RIT2: variants seen among roughly 807,000 people sequenced by gnomAD.
RIT2 encodes the protein GTP-binding protein Rit2.
RIT2 carries 24 observed loss-of-function variants against 23.7 expected under a neutral mutation model. The ratio of observed to expected loss-of-function variants is 1.01; its 90% confidence interval spans 0.73 to 1.43. RIT2 has a LOEUF of 1.43. Ranked by LOEUF, RIT2 falls within the 40% of genes most tolerant of loss-of-function variation. The pLI, the probability that RIT2 is intolerant of heterozygous loss-of-function variation, is 0.00. For synonymous variants in RIT2, 107 were observed against 91.1 expected (o/e 1.17, Z -0.99); for missense variants, 236 against 266.9 (o/e 0.88, Z 0.81).
intron 4 of RIT2, among the ~76,000 whole-genome samples, chr18:42,819,948 A>G (rs1799043623): frequency 6.6e-6 from 1 of 152,132 alleles, no homozygotes; most frequent in African/African-American, 2.4e-5. Context: ...AGGCCAGAGC[A>G]TTTGCATATA....
intron 4 of RIT2, among the ~76,000 whole-genome samples, chr18:42,769,010 G>A (rs118047047): frequency 1.3e-5 from 2 of 152,282 alleles, no homozygotes; most frequent in East Asian, 3.9e-4. Context: ...CTATCCAAAT[G>A]CTGGTTGTGT....
intron 4 of RIT2, among the ~76,000 whole-genome samples, chr18:42,888,203 A>G (rs1203069643): frequency 6.6e-6 from 1 of 151,720 alleles, no homozygotes; most frequent in Admixed American, 6.6e-5. Flanking sequence ...TAACGAATAT[A>G]CCACTGTGGC....
chr18:42,890,276 A>T (rs1908135318), intron 4 of RIT2, among the ~76,000 whole-genome samples: 1 of 151,438 alleles, frequency 6.6e-6, no homozygotes, highest in Admixed American at 6.6e-5. Context: ...ATCCTATTAT[A>T]AAAAAAAATT....
intron 1 of RIT2, among the ~76,000 whole-genome samples, chr18:43,038,229 A>G (rs1568063444): frequency 1.4e-5 from 2 of 139,786 alleles, no homozygotes; most frequent in African/African-American, 2.6e-5. Flanking sequence ...GCAGTTTCAG[A>G]TTTTTTTTTT....
chr18:43,063,692 C>CT (rs1344645987), intron 1 of RIT2, among the ~76,000 whole-genome samples: 2 of 152,036 alleles, frequency 1.3e-5, no homozygotes, highest in Non-Finnish European at 2.9e-5. Context: ...AAATACAGTT[C>CT]TTATGTGACA....
intron 4 of RIT2, among the ~76,000 whole-genome samples, chr18:42,920,962 G>GA (rs1455311479): frequency 6.6e-6 from 1 of 151,342 alleles, no homozygotes; most frequent in East Asian, 1.9e-4. Context: ...TTTATATGAA[G>GA]AAACAGAAAC....
At chr18:42,837,153 CTTTTTTTTTT>C (rs570701535) in intron 4 of RIT2, among the ~76,000 whole-genome samples, 55 of 51,692 alleles carry the variant, frequency 1.1e-3, no homozygotes, top group Middle Eastern at 0.028. Context: ...TTTTCTTTTT[CTTTTTTTTTT>C]TTTTTTTTTT....
At chr18:42,960,503 C>G (rs746603620) in intron 3 of RIT2, among the ~76,000 whole-genome samples, 3 of 151,950 alleles carry the variant, frequency 2.0e-5, no homozygotes, top group Admixed American at 6.6e-5. Flanking sequence ...TTAGTAGAGA[C>G]GGGGTTTCAC....
At chr18:42,750,586 A>G (rs891799516) in intron 4 of RIT2, among the ~76,000 whole-genome samples, 3 of 151,892 alleles carry the variant, frequency 2.0e-5, no homozygotes, top group Non-Finnish European at 2.9e-5. Flanking sequence ...TAAGATCTCT[A>G]AATCAACTCA....
At chr18:42,750,216 A>C (rs676807) in intron 4 of RIT2, among the ~76,000 whole-genome samples, 1 of 151,528 alleles carries the variant, frequency 6.6e-6, no homozygotes, top group Non-Finnish European at 1.5e-5. Context: ...CTATTTTTAC[A>C]TTAACACATT....
intron 2 of RIT2, among the ~76,000 whole-genome samples, chr18:43,026,366 C>A (rs1223679099): frequency 1.3e-5 from 2 of 151,668 alleles, no homozygotes; most frequent in Admixed American, 1.3e-4. Context: ...ACGTCCTGAC[C>A]AACATGGTGA....
chr18:43,007,344 A>G (rs922122619), intron 2 of RIT2, among the ~76,000 whole-genome samples: 1 of 151,758 alleles, frequency 6.6e-6, no homozygotes, highest in African/African-American at 2.4e-5. Flanking sequence ...CAGCATATGC[A>G]AAATTTCATT....
chr18:42,991,649 C>T (rs143443142), intron 2 of RIT2, among the ~76,000 whole-genome samples: 4,855 of 142,274 alleles, frequency 0.034, 252 homozygotes, highest in African/African-American at 0.11. Flanking sequence ...CATTCCACCA[C>T]GAAAGAAATG....
chr18:42,836,880 C>A, intron 4 of RIT2, among the ~76,000 whole-genome samples: 1 of 152,172 alleles, frequency 6.6e-6, no homozygotes. Context: ...CAAAGACTCT[C>A]GAGAATACTG....
intron 4 of RIT2, among the ~76,000 whole-genome samples, chr18:42,905,125 G>A (rs771985534): frequency 2.6e-5 from 4 of 152,098 alleles, no homozygotes; most frequent in Non-Finnish European, 4.4e-5. Flanking sequence ...TGTATTTGAG[G>A]AGATGTGCAC....
At chr18:42,800,239 G>A (rs1905490428) in intron 4 of RIT2, among the ~76,000 whole-genome samples, 1 of 152,088 alleles carries the variant, frequency 6.6e-6, no homozygotes, top group Admixed American at 6.6e-5. Flanking sequence ...TGCACAGCTG[G>A]TCCTATACAT....
At chr18:42,982,621 T>A (rs1029290132) in intron 2 of RIT2, among the ~76,000 whole-genome samples, 1 of 152,094 alleles carries the variant, frequency 6.6e-6, no homozygotes, top group African/African-American at 2.4e-5. Flanking sequence ...ATTTTCAGGA[T>A]TTTAGATGTT....
chr18:42,919,543 G>A (rs1256073349), intron 4 of RIT2, among the ~76,000 whole-genome samples: 1 of 151,584 alleles, frequency 6.6e-6, no homozygotes. Flanking sequence ...GTGAAACCAC[G>A]TCTTTACTAA....
At chr18:43,020,649 T>C (rs754211556) in intron 2 of RIT2, among the ~76,000 whole-genome samples, 3 of 152,054 alleles carry the variant, frequency 2.0e-5, no homozygotes, top group Non-Finnish European at 4.4e-5. Context: ...ATGGTATTTT[T>C]ACAAAAATAG....
Sources: allele counts gnomAD v4.1 joint callset (sites outside exome capture counted in the v4.1 genomes callset), GRCh38; gene constraint gnomAD v4.1.1; transcripts MANE v1.5; gene names NCBI Gene and HGNC (gene_info 2026-07-23, HGNC 2026-07-21).